ATM: variants seen among roughly 807,000 people sequenced by gnomAD.
ATM encodes the protein ATM serine/threonine kinase.
ATM carries 308 observed loss-of-function variants against 387.0 expected under a neutral mutation model. That is an observed-to-expected ratio of 0.80 (90% CI 0.73 to 0.87). ATM has a LOEUF of 0.87. Among genes scored for constraint, ATM ranks in the 40% least tolerant of loss-of-function variants. ATM has a pLI of 0.00. For synonymous variants in ATM, 1,156 were observed against 1,187.3 expected (o/e 0.97, Z 0.54); for missense variants, 3,312 against 3,560.9 (o/e 0.93, Z 1.78).
chr11:108,236,987 A>G (rs991033186), intron 5 of ATM, among the ~76,000 whole-genome samples: 9 of 151,404 alleles, frequency 5.9e-5, no homozygotes, highest in African/African-American at 1.9e-4. Context: ...TTTTTTTTTC[A>G]TGGAAAGTAT....
chr11:108,320,250 A>T (rs984737314), intron 44 of ATM, among the ~76,000 whole-genome samples, 192 bp downstream of exon 44: 1 of 152,182 alleles, frequency 6.6e-6, no homozygotes, highest in Non-Finnish European at 1.5e-5. Flanking sequence ...TTCCAGGTTC[A>T]TTCTTTACCC....
At chr11:108,282,935 A>G (rs2082312269) in intron 25 of ATM, 56 bp downstream of exon 25, 1 of 1,189,942 alleles carries the variant, frequency 8.4e-7, no homozygotes, top group East Asian at 2.5e-5. Flanking sequence ...AGTTAACAAT[A>G]CTTAGCAAGT....
chr11:108,272,971 G>A (rs2081682472), intron 22 of ATM, 119 bp downstream of exon 22: 10 of 1,234,074 alleles, frequency 8.1e-6, no homozygotes, highest in East Asian at 4.7e-5. Context: ...GAGTATATAC[G>A]GTGTGCCTGG....
At chr11:108,355,613 C>T (rs529188293) in intron 61 of ATM, 2 of 152,396 alleles carry the variant, frequency 1.3e-5, no homozygotes, top group South Asian at 2.1e-4. Flanking sequence ...TTTTCCACTA[C>T]TCAGCTTTTC....
In ATM at chr11:108,317,494, T is replaced by C. The variant is rs1555114792; in HGVS notation, c.6320T>C (p.Met2107Thr). ...CATTACCAAGCAGCATGGAGGAATA[T>C]GCAGTGGGACCATTGCACTTCCGTC... Reference protein sequence around the residue: ...ELHYQAAWRNMQWDHCTSVSK... With the variant: ...ELHYQAAWRNTQWDHCTSVSK... The change falls in exon 43 of 63, where the codon ATG (methionine) becomes ACG (threonine). Residue 2107 changes from methionine (M) to threonine (T), a missense_variant. Transcript: ENST00000675843. The C allele has an allele frequency of 2.5e-6, 4 of 1,611,758 alleles. No homozygotes were observed. The highest frequency in any genetic ancestry group is 3.4e-6 in the Non-Finnish European group (4 of 1,179,146).
intron 5 of ATM, among the ~76,000 whole-genome samples, chr11:108,240,591 A>G (rs543875660): frequency 4.6e-5 from 7 of 152,222 alleles, no homozygotes; most frequent in Non-Finnish European, 1.0e-4. Flanking sequence ...TACTGTAGGC[A>G]GCTGTAACAC....
At chr11:108,236,534 T>TA (rs11418587) in intron 5 of ATM, 74,284 of 141,652 alleles carry the variant, frequency 0.52, 19,676 homozygotes, top group Middle Eastern at 0.72. Context: ...TGTTTCCATT[T>TA]AAAAAAAAAA....
At chr11:108,344,014 A>G (rs113621395) in intron 57 of ATM, among the ~76,000 whole-genome samples, 2,254 of 152,322 alleles carry the variant, frequency 0.015, 35 homozygotes, top group Admixed American at 0.041. Context: ...CCTTATCCTC[A>G]TTTTAAAATG....
intron 59 of ATM, among the ~76,000 whole-genome samples, chr11:108,350,826 C>A (rs962995336): frequency 6.6e-6 from 1 of 152,114 alleles, no homozygotes; most frequent in South Asian, 2.1e-4. Context: ...GTGCTAAAAG[C>A]ATCTATAAAT....
Position 108,358,226 on chromosome 11 carries a change from G to A in ATM, c.8850+3352G>A, listed in dbSNP as rs1022184389. Among the ~76,000 whole-genome samples the A allele has an allele frequency of 8.1e-4, 122 of 151,302 alleles. 2 individuals are homozygous for A. Among genetic ancestry groups the A allele is most frequent in the African/African-American group, 2.6e-3 (106 of 41,016 alleles). ...GAAGATGAAATGAATGAAATGAAGC[G>A]AGAAGGGAAGTTCAGAGAAAAAAGA... On this transcript the variant is annotated intron_variant, in intron 61 of 62. Coordinates refer to ENST00000675843, the MANE Select transcript of ATM (RefSeq NM_000051.4).
chr11:108,300,909 G>T (rs1179107983), intron 34 of ATM, among the ~76,000 whole-genome samples: 1 of 131,438 alleles, frequency 7.6e-6, no homozygotes, highest in African/African-American at 2.8e-5. Context: ...TTGAGACAGG[G>T]TCTCGCTCTA....
chr11:108,257,237 G>A (rs1591545357), intron 14 of ATM, among the ~76,000 whole-genome samples: 1 of 152,078 alleles, frequency 6.6e-6, no homozygotes, highest in East Asian at 1.9e-4. Context: ...TTATCTCTTG[G>A]TAGTACTCTG....
intron 39 of ATM, among the ~76,000 whole-genome samples, chr11:108,311,068 A>G (rs1392654169): frequency 6.6e-6 from 1 of 152,186 alleles, no homozygotes; most frequent in Non-Finnish European, 1.5e-5. Context: ...TCCGGGCTCA[A>G]GTGATCCTCC....
chr11:108,330,405 T>G lies in ATM; in HGVS notation c.7499T>G (p.Val2500Gly), dbSNP rs779810877. 1 of 1,614,174 alleles carries G rather than the reference T, an allele frequency of 6.2e-7. No individual in the cohort carries two copies. Among genetic ancestry groups the G allele is most frequent in the Non-Finnish European group, 8.5e-7 (1 of 1,179,998 alleles). ...CTTGAAAATTCTGGAGTTTCTGAAG[T>G]CAATGGCATGATGAAGGCAAGTGTT... ...LWLENSGVSEVNGMMKRDGMK... is the reference protein window; with the variant it reads ...LWLENSGVSEGNGMMKRDGMK... The change falls in exon 50 of 63, where the codon GTC (valine) becomes GGC (glycine). Residue 2500 changes from valine to glycine, a missense_variant. Transcript: ENST00000675843.
chr11:108,232,532 T>C (rs943104770), intron 4 of ATM, among the ~76,000 whole-genome samples: 3,344 of 45,058 alleles, frequency 0.074, 255 homozygotes, highest in African/African-American at 0.18. Context: ...CTCTCCTTTT[T>C]TTTTTTTTTT....
intron 4 of ATM, chr11:108,230,354 TGTG>T (rs2078948799): frequency 6.6e-6 from 1 of 152,166 alleles, no homozygotes; most frequent in Non-Finnish European, 1.5e-5. Context: ...AGGCAGAGGT[TGTG>T]GTGAGCTGAG....
chr11:108,363,560 GT>G (rs1565604516), intron 61 of ATM, among the ~76,000 whole-genome samples: 1 of 152,192 alleles, frequency 6.6e-6, no homozygotes, highest in Non-Finnish European at 1.5e-5. Flanking sequence ...GATGAGGATA[GT>G]ATTGGCATCT....
At chr11:108,277,217 C>T (rs1046373424) in intron 22 of ATM, among the ~76,000 whole-genome samples, 1 of 152,156 alleles carries the variant, frequency 6.6e-6, no homozygotes, top group East Asian at 1.9e-4. Flanking sequence ...CCCCTCCCCC[C>T]ACCAAGCTTC....
chr11:108,231,725 A>T (rs1259675698), intron 4 of ATM: 2 of 149,248 alleles, frequency 1.3e-5, no homozygotes, highest in Non-Finnish European at 3.0e-5. Flanking sequence ...AAAAAGAATC[A>T]GGAAAGCCCC....
Sources: allele counts gnomAD v4.1 joint callset (sites outside exome capture counted in the v4.1 genomes callset), GRCh38; gene constraint gnomAD v4.1.1; transcripts MANE v1.5; gene names NCBI Gene and HGNC (gene_info 2026-07-23, HGNC 2026-07-21).